The following TCN2 variants were observed in gnomAD, a reference collection of about 807,000 sequenced individuals.
TCN2 encodes transcobalamin 2.
A neutral mutation model predicts 48.6 loss-of-function variants in TCN2; 34 were observed. That is an observed-to-expected ratio of 0.70 (90% CI 0.53 to 0.93). The LOEUF is 0.93. Ranked by LOEUF, TCN2 falls within the 40% of genes least tolerant of loss-of-function variation. The pLI is 0.00. For missense variants in TCN2, 652 were observed against 526.1 expected (o/e 1.24, Z -2.34); for synonymous variants, 283 against 212.5 (o/e 1.33, Z -2.89).
At chr22:30,615,854 A>AGG (rs2087606505) in intron 6 of TCN2, 67 bp downstream of exon 6, 1 of 1,594,088 alleles carries the variant, frequency 6.3e-7, no homozygotes, top group African/African-American at 1.3e-5. Context: ...CGTCCCAGTG[A>AGG]GGGGAGGTTG....
At chr22:30,615,533 A>C in intron 5 of TCN2, 60 bp downstream of exon 5, 1 of 1,613,892 alleles carries the variant, frequency 6.2e-7, no homozygotes, top group South Asian at 1.1e-5. Flanking sequence ...TGGAGTGGTC[A>C]GGTGCTGGAA....
intron 1 of TCN2, among the ~76,000 whole-genome samples, chr22:30,608,397 T>C (rs1432748523): frequency 1.3e-5 from 2 of 152,178 alleles, no homozygotes; most frequent in Non-Finnish European, 2.9e-5. Context: ...TTTCGTTTTG[T>C]TTTTTGTTGA....
chr22:30,622,317 T>A (rs1413496752), intron 7 of TCN2, among the ~76,000 whole-genome samples: 1 of 152,210 alleles, frequency 6.6e-6, no homozygotes, highest in African/African-American at 2.4e-5. Flanking sequence ...AGGCTTCCTG[T>A]GGCAGTGGCA....
rs58169513 is a variant in TCN2 at position 30,616,487 on chromosome 22, CAAA to C, written c.940+716_940+718del. Reference sequence around the variant, plus strand: ...TGGGTGACAGAGTAAGACTATGTCTCAAAAAAAAAAAAAAAAAATGGAGAAGAA... The same window carrying C: ...TGGGTGACAGAGTAAGACTATGTCTCAAAAAAAAAAAAAAATGGAGAAGAA... On this transcript the variant is annotated intron_variant, in intron 6 of 8. Coordinates refer to ENST00000215838, the MANE Select transcript of TCN2 (RefSeq NM_000355.4). Among the ~76,000 whole-genome samples, 489 of 94,508 alleles carry C rather than the reference CAAA, an allele frequency of 5.2e-3. 3 individuals carry two copies. Among genetic ancestry groups the C allele is most frequent in the African/African-American group, 0.017 (461 of 27,312 alleles). 62.0% of individuals were successfully genotyped at this position (94,508 alleles called of 152,430 possible). A position where few individuals can be genotyped will look rare whatever the true frequency, so the allele number is the denominator to read the frequency against.
At chr22:30,620,686 G>C (rs1239814321) in intron 7 of TCN2, among the ~76,000 whole-genome samples, 1 of 152,250 alleles carries the variant, frequency 6.6e-6, no homozygotes, top group East Asian at 1.9e-4. Context: ...AAGACAATTA[G>C]AATTTAACGT....
At chr22:30,610,830 C>G in intron 1 of TCN2, 41 bp from the exon 2 acceptor site, 8 of 1,609,514 alleles carry the variant, frequency 5.0e-6, no homozygotes, top group Non-Finnish European at 6.8e-6. Flanking sequence ...TTGCTGGTGG[C>G]CTGGCCCTGT....
chr22:30,616,665 G>A (rs886985785), intron 6 of TCN2, among the ~76,000 whole-genome samples: 6 of 152,014 alleles, frequency 3.9e-5, no homozygotes, highest in African/African-American at 1.2e-4. Flanking sequence ...GCCAGGCATG[G>A]TGGTAGACAC....
In TCN2 at chr22:30,611,025, G is replaced by A. The variant is rs772552248; in HGVS notation, c.219G>A (p.Leu73=). Residue 73 remains leucine (L), a synonymous_variant, in exon 2 of 9, where the codon CTG becomes CTA. Coordinates refer to ENST00000215838, the MANE Select transcript of TCN2 (RefSeq NM_000355.4). ...CTGGGACCAAGGAAGACCTCTACCT[G>A]CACAGCCTCAAGCTTGGTTACCAGC... ...LQAGTKEDLY[L]HSLKLGYQQC... The A allele has an allele frequency of 6.2e-7, 1 of 1,614,118 alleles. No individual in the cohort carries two copies. Among genetic ancestry groups the A allele is most frequent in the Non-Finnish European group, 8.5e-7 (1 of 1,179,986 alleles).
chr22:30,610,309 A>C (rs1017315142), intron 1 of TCN2: 1 of 470,646 alleles, frequency 2.1e-6, no homozygotes, highest in African/African-American at 2.0e-5. Flanking sequence ...ACCAGCTGGA[A>C]GTTTGCGTTG....
intron 8 of TCN2, among the ~76,000 whole-genome samples, chr22:30,623,474 T>G (rs2087729390): frequency 6.6e-6 from 1 of 151,856 alleles, no homozygotes; most frequent in South Asian, 2.1e-4. Context: ...CACCTCAGCC[T>G]TCCTAGAGCC....
At chr22:30,623,851 CACATACAT>C (rs778742905) in intron 8 of TCN2, among the ~76,000 whole-genome samples, 2 of 60,438 alleles carry the variant, frequency 3.3e-5, no homozygotes, top group African/African-American at 1.5e-4. Context: ...CACATACATA[CACATACAT>C]ACACACATAT....
At position 30,623,180 on chromosome 22, in the gene TCN2, C is replaced by T. The variant is rs184023640; in HGVS notation, c.1222+97C>T. 1.4e-3 allele frequency: 1,578 copies of T among 1,143,932 alleles called. 16 individuals carry two copies. Among genetic ancestry groups the T allele is most frequent in the Non-Finnish European group, 3.0e-4 (228 of 763,762 alleles). The allele number at this position is 1,143,932 out of a possible 1,614,324, so 70.9% of individuals were successfully genotyped here. A position where few individuals can be genotyped will look rare whatever the true frequency, so the allele number is the denominator to read the frequency against. ...CACCCCAGCTTTCCCTAGCACCCTC[C>T]TGGGCCACACCTTCACAAAATCACT... On this transcript the variant is annotated intron_variant, in intron 8 of 8. Transcript: ENST00000215838.
intron 1 of TCN2, 54 bp from the exon 2 acceptor site, chr22:30,610,817 T>A: frequency 1.9e-6 from 3 of 1,603,084 alleles, no homozygotes; most frequent in Non-Finnish European, 2.6e-6. Context: ...TCAAAGCACT[T>A]CTTTGCTGGT....
chr22:30,614,415 GTC>G lies in TCN2; in HGVS notation c.497_498del (p.Leu166ProfsTer7), dbSNP rs778381859. The G allele has an allele frequency of 2.9e-4, 475 of 1,614,022 alleles. No homozygotes were observed. Among genetic ancestry groups the G allele is most frequent in the Non-Finnish European group, 3.7e-4 (441 of 1,180,028 alleles). On this transcript the variant is annotated frameshift_variant, in exon 4 of 9. Transcript: ENST00000215838. LOFTEE classifies it high-confidence loss of function. ...TATGGCCTGGGCATTCTGGCCCTGT[GTC>G]TCCACCAGAAGCGGGTCCATGACAG...
At chr22:30,618,871 G>C (rs1310470099) in intron 7 of TCN2, among the ~76,000 whole-genome samples, 1 of 152,108 alleles carries the variant, frequency 6.6e-6, no homozygotes, top group African/African-American at 2.4e-5. Context: ...CCAGGTTCAA[G>C]CGATTCTCCT....
At chr22:30,614,222 G>A in intron 3 of TCN2, 127 bp from the exon 4 acceptor site, 1 of 1,267,328 alleles carries the variant, frequency 7.9e-7, no homozygotes, top group Non-Finnish European at 1.1e-6. Flanking sequence ...CTGAGGCAAT[G>A]AAGGAATGAA....
intron 7 of TCN2, among the ~76,000 whole-genome samples, chr22:30,619,691 C>T (rs1162281839): frequency 2.0e-5 from 3 of 152,178 alleles, no homozygotes. Context: ...AAAACAGCAT[C>T]CTGCATCCAG....
chr22:30,616,254 C>T (rs142735224), intron 6 of TCN2, among the ~76,000 whole-genome samples: 118 of 152,174 alleles, frequency 7.8e-4, no homozygotes, highest in African/African-American at 2.7e-3. Flanking sequence ...GAGGCCGAGG[C>T]GGGTGGCTCA....
rs1569040485 is a variant in TCN2 at position 30,614,354 on chromosome 22, G to T, written c.433G>T (p.Asp145Tyr). ...LEDEKRAIGHDHKGHPHTSYY... is the reference protein window; with the variant it reads ...LEDEKRAIGHYHKGHPHTSYY... Reference sequence around the variant, plus strand: ...TCTGTTTTTTTCCCTCTCAGGGCATGATCACAAGGGCCACCCCCACACTAG... The same window carrying T: ...TCTGTTTTTTTCCCTCTCAGGGCATTATCACAAGGGCCACCCCCACACTAG... The change falls in exon 4 of 9, where the codon GAT (aspartate) becomes TAT (tyrosine). Residue 145 changes from aspartate to tyrosine, a missense_variant. Coordinates refer to ENST00000215838, the MANE Select transcript of TCN2 (RefSeq NM_000355.4). 9 of 1,614,158 alleles carry T rather than the reference G, an allele frequency of 5.6e-6. No homozygotes were observed. The highest frequency in any genetic ancestry group is 7.6e-6 in the Non-Finnish European group (9 of 1,180,010).
Sources: allele counts gnomAD v4.1 joint callset (sites outside exome capture counted in the v4.1 genomes callset), GRCh38; gene constraint gnomAD v4.1.1; transcripts MANE v1.5; gene names NCBI Gene and HGNC (gene_info 2026-07-23, HGNC 2026-07-21).